The following SLC24A2 variants were observed in gnomAD, a reference collection of about 807,000 sequenced individuals.
The protein encoded by SLC24A2 is solute carrier family 24 member 2, also known as sodium/potassium/calcium exchanger 2.
In SLC24A2, 36 loss-of-function variants were observed where a neutral mutation model predicts 62.0. The ratio of observed to expected loss-of-function variants is 0.58; its 90% CI spans 0.44 to 0.77. The LOEUF is 0.77. SLC24A2 is among the 30% of genes least tolerant of loss of function. The pLI is 0.00. For synonymous variants in SLC24A2, 358 were observed against 294.0 expected (o/e 1.22, Z -2.23); for missense variants, 846 against 817.9 (o/e 1.03, Z -0.42).
the SLC24A2 span, among the ~76,000 whole-genome samples, chr9:19,795,473 ATT>A: frequency 6.6e-6 from 1 of 152,178 alleles, no homozygotes; most frequent in Admixed American, 6.5e-5. Flanking sequence ...AATACTCCAC[ATT>A]TATATTGAAA....
chr9:19,696,847 T>C (rs1820207387), intron 2 of SLC24A2, among the ~76,000 whole-genome samples: 1 of 152,182 alleles, frequency 6.6e-6, no homozygotes, highest in African/African-American at 2.4e-5. Context: ...ATTTCAAATA[T>C]ATAATTTAAA....
intron 2 of SLC24A2, among the ~76,000 whole-genome samples, chr9:19,690,343 C>T (rs368885384): frequency 2.6e-5 from 4 of 152,188 alleles, no homozygotes; most frequent in East Asian, 3.9e-4. Flanking sequence ...GACTCAGGCT[C>T]ATTCAGTAAG....
At chr9:20,135,646 C>G in the SLC24A2 span, among the ~76,000 whole-genome samples, 1 of 152,014 alleles carries the variant, frequency 6.6e-6, no homozygotes, top group Non-Finnish European at 1.5e-5. Context: ...AAGTGATAAC[C>G]ACAGAGGGGT....
rs867640156 is a variant in SLC24A2 at position 19,636,394 on chromosome 9, T to C, written c.931-14095A>G. 5.7e-3 allele frequency among the ~76,000 whole-genome samples: 546 copies of C among 96,406 alleles called. 54 individuals are homozygous for C. Among genetic ancestry groups the C allele is most frequent in the African/African-American group, 0.025 (487 of 19,462 alleles). 63.2% of individuals were successfully genotyped at this position (96,406 alleles called of 152,430 possible). A position where few individuals can be genotyped will look rare whatever the true frequency, so the allele number is the denominator to read the frequency against. On this transcript the variant is annotated intron_variant, in intron 2 of 10. Coordinates refer to ENST00000341998, the MANE Select transcript of SLC24A2 (RefSeq NM_020344.4). ...TTCTTTCTTTCTTTCTTTCTCCCTC[T>C]CTCTCTCTCTCTCTTTCTTTCTTTC...
chr9:19,912,160 TCTTCTGCTGAGACACATG>T, the SLC24A2 span, among the ~76,000 whole-genome samples: 1 of 151,996 alleles, frequency 6.6e-6, no homozygotes, highest in East Asian at 1.9e-4. Flanking sequence ...TTAGGCAAAC[TCTTCTGCTGAGACACATG>T]CTTCCCCTAC....
the SLC24A2 span, among the ~76,000 whole-genome samples, chr9:19,993,026 TTAACCCA>T: frequency 1.3e-5 from 2 of 152,148 alleles, no homozygotes; most frequent in South Asian, 4.2e-4. Context: ...TACTCAAACC[TTAACCCA>T]TAGAGAGAAG....
chr9:19,845,376 A>C, the SLC24A2 span, among the ~76,000 whole-genome samples: 1 of 152,298 alleles, frequency 6.6e-6, no homozygotes, highest in South Asian at 2.1e-4. Flanking sequence ...GTATCCTGAC[A>C]CTTTACTGAA....
At chr9:19,549,021 C>T (rs1194933667) in intron 8 of SLC24A2, among the ~76,000 whole-genome samples, 1 of 152,168 alleles carries the variant, frequency 6.6e-6, no homozygotes, top group African/African-American at 2.4e-5. Context: ...GGGCAATGGC[C>T]CAAGAACTCA....
the SLC24A2 span, among the ~76,000 whole-genome samples, chr9:20,086,533 C>A: frequency 2.0e-5 from 3 of 152,164 alleles, no homozygotes; most frequent in African/African-American, 7.2e-5. Flanking sequence ...CTGACAGTTC[C>A]CTTGTCAAGA....
At chr9:20,203,995 C>G in the SLC24A2 span, among the ~76,000 whole-genome samples, 2 of 152,242 alleles carry the variant, frequency 1.3e-5, no homozygotes, top group African/African-American at 4.8e-5. Flanking sequence ...CTCTCCTTAA[C>G]TGAATTATAC....
At chr9:19,995,368 G>A in the SLC24A2 span, among the ~76,000 whole-genome samples, 2 of 152,100 alleles carry the variant, frequency 1.3e-5, no homozygotes, top group South Asian at 2.1e-4. Flanking sequence ...GAGCGTGGAG[G>A]TTATGTGTGG....
rs1351937162 is a variant in SLC24A2 at position 19,515,084 on chromosome 9, C to G, written c.*1069G>C. The G allele has an allele frequency of 6.6e-6, 1 of 152,120 alleles. No individual in the cohort carries two copies. The highest frequency in any genetic ancestry group is 1.5e-5 in the Non-Finnish European group (1 of 68,014). The allele number at this position is 152,120 out of a possible 1,614,324, so 9.4% of individuals were successfully genotyped here. The stretch of plus-strand genomic sequence containing the variant: ...GGCAGCCCTTAGCATCAAAATATAT[C>G]TACATGACAATCACAGCTAAACTTA... On this transcript the variant is annotated 3_prime_UTR_variant, in exon 11 of 11. Transcript: ENST00000341998.
At chr9:20,125,160 TA>T in the SLC24A2 span, among the ~76,000 whole-genome samples, 38 of 152,232 alleles carry the variant, frequency 2.5e-4, 1 homozygote, top group Admixed American at 9.8e-4. Flanking sequence ...GAGATTTTTT[TA>T]AAATGAATCA....
chr9:19,577,502 T>G (rs1006549481), intron 5 of SLC24A2, among the ~76,000 whole-genome samples: 1 of 152,158 alleles, frequency 6.6e-6, no homozygotes, highest in Non-Finnish European at 1.5e-5. Flanking sequence ...TCTGAAACAC[T>G]TCTGGTCCCA....
intron 7 of SLC24A2, among the ~76,000 whole-genome samples, chr9:19,559,701 G>T (rs1238979645): frequency 5.9e-5 from 9 of 152,072 alleles, no homozygotes; most frequent in Admixed American, 5.9e-4. Flanking sequence ...TCTCCATTTT[G>T]TAAGTTTAAA....
intron 10 of SLC24A2, among the ~76,000 whole-genome samples, chr9:19,519,851 C>G (rs1833104863): frequency 1.3e-5 from 2 of 152,170 alleles, no homozygotes; most frequent in Admixed American, 1.3e-4. Flanking sequence ...GTAGTTCAGA[C>G]AGTGAATACT....
At chr9:19,656,588 C>T (rs1009279043) in intron 2 of SLC24A2, among the ~76,000 whole-genome samples, 1 of 152,190 alleles carries the variant, frequency 6.6e-6, no homozygotes, top group African/African-American at 2.4e-5. Context: ...CTCACTTCTC[C>T]TATTTGGAAA....
the SLC24A2 span, among the ~76,000 whole-genome samples, chr9:19,916,988 T>TTTG: frequency 3.3e-4 from 48 of 147,274 alleles, no homozygotes; most frequent in African/African-American, 1.1e-3. Context: ...CCTGTTTTTT[T>TTTG]TTTTTTTTTT....
At chr9:19,669,594 C>A (rs952456221) in intron 2 of SLC24A2, among the ~76,000 whole-genome samples, 1 of 152,196 alleles carries the variant, frequency 6.6e-6, no homozygotes, top group South Asian at 2.1e-4. Context: ...TGCCTTCAGG[C>A]TCTGGGGGAA....
Sources: allele counts gnomAD v4.1 joint callset (sites outside exome capture counted in the v4.1 genomes callset), GRCh38; gene constraint gnomAD v4.1.1; transcripts MANE v1.5; gene names NCBI Gene and HGNC (gene_info 2026-07-23, HGNC 2026-07-21).